The following GTF2F2 variants were observed in gnomAD, a reference collection of about 807,000 sequenced individuals.
The protein encoded by GTF2F2 is ATP-dependent helicase GTF2F2.
Under a neutral mutation model 42.2 loss-of-function variants are expected in GTF2F2, and 23 were observed. That is an observed-to-expected ratio of 0.55 (90% confidence interval 0.39 to 0.77). The LOEUF (loss-of-function observed/expected upper bound fraction) is 0.77. Among genes scored for constraint, GTF2F2 ranks in the 30% least tolerant of loss-of-function variants. The pLI is 0.00. For synonymous variants in GTF2F2, 105 were observed against 100.8 expected (o/e 1.04, Z -0.25); for missense variants, 261 against 287.2 (o/e 0.91, Z 0.66).
At position 45,282,104 on chromosome 13, in the gene GTF2F2, A is replaced by G. The variant is rs570914071; in HGVS notation, c.631-1338A>G. On this transcript the variant is annotated intron_variant, in intron 7 of 7. Transcript: ENST00000340473. ...TAATCCCAGCTACTTGGGAGGAGGC[A>G]GGAGAATCGCTTGAACCTGGGAGGC... Among the ~76,000 whole-genome samples, 3 of 152,292 alleles carry G rather than the reference A, an allele frequency of 2.0e-5. No individual in the cohort carries two copies. The South Asian group carries it at 6.2e-4, about 32-fold the overall frequency.
At chr13:45,220,562 G>A (rs1192594410) in intron 5 of GTF2F2, among the ~76,000 whole-genome samples, 1 of 152,008 alleles carries the variant, frequency 6.6e-6, no homozygotes, top group Non-Finnish European at 1.5e-5. Flanking sequence ...TGGAGGGAGG[G>A]CTCCCAGGCA....
At chr13:45,148,474 C>A (rs1870315571) in intron 2 of GTF2F2, among the ~76,000 whole-genome samples, 1 of 152,054 alleles carries the variant, frequency 6.6e-6, no homozygotes, top group African/African-American at 2.4e-5. Flanking sequence ...TCGTTCAATT[C>A]TCACTTCTGG....
chr13:45,144,680 A>C (rs1870106639), intron 2 of GTF2F2, among the ~76,000 whole-genome samples: 1 of 151,730 alleles, frequency 6.6e-6, no homozygotes, highest in African/African-American at 2.4e-5. Flanking sequence ...TGACCTCGTG[A>C]TCCACCCGCC....
chr13:45,168,825 T>TTCCC (rs1441197483), intron 4 of GTF2F2, among the ~76,000 whole-genome samples: 9 of 131,930 alleles, frequency 6.8e-5, no homozygotes, highest in East Asian at 4.7e-4. Flanking sequence ...CCTTCCTTCC[T>TTCCC]TCCCTCCCTC....
chr13:45,259,082 A>C (rs1876224020), intron 6 of GTF2F2, among the ~76,000 whole-genome samples: 1 of 152,058 alleles, frequency 6.6e-6, no homozygotes, highest in Non-Finnish European at 1.5e-5. Context: ...TGTTGTCTAG[A>C]CATTTGTTTT....
chr13:45,199,463 C>A (rs559403632), intron 4 of GTF2F2, among the ~76,000 whole-genome samples: 3 of 152,160 alleles, frequency 2.0e-5, no homozygotes, highest in Admixed American at 6.5e-5. Flanking sequence ...TTCAGGGAAA[C>A]CTGTGTTTTA....
intron 5 of GTF2F2, among the ~76,000 whole-genome samples, chr13:45,246,228 G>A (rs1012145500): frequency 1.3e-5 from 2 of 151,786 alleles, no homozygotes; most frequent in African/African-American, 4.8e-5. Flanking sequence ...GTCCAGGATG[G>A]TCTCGATCTC....
At chr13:45,216,675 G>A (rs1297372374) in intron 5 of GTF2F2, among the ~76,000 whole-genome samples, 1 of 151,826 alleles carries the variant, frequency 6.6e-6, no homozygotes. Context: ...GCGCCACCAC[G>A]CCTGGCTATT....
chr13:45,230,155 A>G (rs112783585), intron 5 of GTF2F2, among the ~76,000 whole-genome samples: 7,851 of 152,066 alleles, frequency 0.052, 271 homozygotes, highest in East Asian at 0.12. Context: ...GGCGGAGGTT[A>G]CAGTGAGCCA....
intron 2 of GTF2F2, among the ~76,000 whole-genome samples, chr13:45,144,247 C>CA (rs1197903580): frequency 2.0e-5 from 3 of 151,526 alleles, no homozygotes; most frequent in Non-Finnish European, 2.9e-5. Context: ...GCGCAAAACT[C>CA]AGTCTCAAAA....
chr13:45,215,051 A>C (rs928996946), intron 5 of GTF2F2, among the ~76,000 whole-genome samples: 2 of 152,210 alleles, frequency 1.3e-5, no homozygotes, highest in Admixed American at 6.5e-5. Context: ...TTCAAATACT[A>C]GCTCAAATAT....
At chr13:45,243,623 T>G (rs1429888077) in intron 5 of GTF2F2, among the ~76,000 whole-genome samples, 2 of 152,144 alleles carry the variant, frequency 1.3e-5, no homozygotes, top group African/African-American at 4.8e-5. Flanking sequence ...GTTTTACTGT[T>G]TTTTTTTAAA....
At chr13:45,131,171 G>C (rs1219095337) in intron 1 of GTF2F2, among the ~76,000 whole-genome samples, 3 of 151,386 alleles carry the variant, frequency 2.0e-5, no homozygotes, top group Non-Finnish European at 4.4e-5. Flanking sequence ...TCGCGCCATT[G>C]CACTCCAGCC....
At chr13:45,240,097 A>C (rs956803306) in intron 5 of GTF2F2, among the ~76,000 whole-genome samples, 5 of 127,006 alleles carry the variant, frequency 3.9e-5, no homozygotes, top group Non-Finnish European at 8.1e-5. Flanking sequence ...TATTATGTAG[A>C]GGGATTTTTT....
At chr13:45,228,299 T>TTTTTTTTTTTTTG (rs1874474312) in intron 5 of GTF2F2, among the ~76,000 whole-genome samples, 1 of 146,832 alleles carries the variant, frequency 6.8e-6, no homozygotes, top group African/African-American at 2.6e-5. Context: ...TTTTTTTTTT[T>TTTTTTTTTTTTTG]GGAGACGGAG....
chr13:45,194,399 T>A, intron 4 of GTF2F2: 1 of 1,614,146 alleles, frequency 6.2e-7, no homozygotes, highest in Non-Finnish European at 8.5e-7. Context: ...TCAAGGAAAG[T>A]GTCTGGGTAC....
chr13:45,283,691 ATT>A lies in GTF2F2; in HGVS notation c.*135_*136del. ...ACAGTACTTTGATTTCTCTCGGTAA[ATT>A]TTTTAAACCTGTAATTCTTGTAAAG... On this transcript the variant is annotated 3_prime_UTR_variant, in exon 8 of 8. Coordinates refer to ENST00000340473, the MANE Select transcript of GTF2F2 (RefSeq NM_004128.3). 1.5e-6 allele frequency: 1 copy of A among 653,150 alleles called. No homozygotes were observed. The highest frequency in any genetic ancestry group is 2.3e-6 in the Non-Finnish European group (1 of 442,502). 40.5% of individuals were successfully genotyped at this position (653,150 alleles called of 1,614,324 possible).
intron 4 of GTF2F2, among the ~76,000 whole-genome samples, chr13:45,189,527 A>G (rs538873301): frequency 6.6e-5 from 10 of 152,346 alleles, no homozygotes; most frequent in Non-Finnish European, 1.0e-4. Flanking sequence ...CAACAGTGTA[A>G]AAGCATTCCT....
chr13:45,127,453 G>GT (rs1301253860), intron 1 of GTF2F2, among the ~76,000 whole-genome samples: 2 of 151,416 alleles, frequency 1.3e-5, no homozygotes, highest in Non-Finnish European at 2.9e-5. Flanking sequence ...AGCCTCCTGA[G>GT]TAGCTGGGAC....
Sources: allele counts gnomAD v4.1 joint callset (sites outside exome capture counted in the v4.1 genomes callset), GRCh38; gene constraint gnomAD v4.1.1; transcripts MANE v1.5; gene names NCBI Gene and HGNC (gene_info 2026-07-23, HGNC 2026-07-21).